The following FAM91A1 variants were observed in gnomAD, a reference collection of about 807,000 sequenced individuals.
FAM91A1 encodes protein FAM91A1.
Under a neutral mutation model 113.5 loss-of-function variants are expected in FAM91A1, and 41 were observed. The observed-to-expected ratio is 0.36, with a 90% confidence interval of 0.28 to 0.47. FAM91A1 has a LOEUF of 0.47. FAM91A1 is among the 20% of genes least tolerant of loss of function. The pLI is 1.00. For missense variants in FAM91A1, 696 were observed against 1,001.2 expected (o/e 0.70, Z 4.11); for synonymous variants, 307 against 347.9 (o/e 0.88, Z 1.31).
intron 15 of FAM91A1, among the ~76,000 whole-genome samples, chr8:123,796,404 A>G (rs1815521067): frequency 6.6e-6 from 1 of 152,044 alleles, no homozygotes; most frequent in South Asian, 2.1e-4. Flanking sequence ...CAACAGAGCT[A>G]ATCTAGGAAA....
intron 15 of FAM91A1, among the ~76,000 whole-genome samples, chr8:123,796,931 C>T (rs548573582): frequency 3.6e-4 from 55 of 151,668 alleles, no homozygotes; most frequent in South Asian, 1.9e-3. Flanking sequence ...TGTGGTGGCG[C>T]GCACCTGTAG....
intron 18 of FAM91A1, among the ~76,000 whole-genome samples, chr8:123,801,979 G>T (rs1304836455): frequency 1.3e-5 from 2 of 152,100 alleles, no homozygotes; most frequent in African/African-American, 2.4e-5. Flanking sequence ...AGTGTGAGGG[G>T]GTTGTGGTCA....
chr8:123,808,229 A>C, intron 20 of FAM91A1, 43 bp from the exon 21 acceptor site: 2 of 1,517,070 alleles, frequency 1.3e-6, no homozygotes, highest in Non-Finnish European at 1.8e-6. Context: ...AGCTTCTGCT[A>C]ACTGCTAGAA....
At chr8:123,769,336 A>G (rs1586363275) in intron 1 of FAM91A1, among the ~76,000 whole-genome samples, 1 of 152,166 alleles carries the variant, frequency 6.6e-6, no homozygotes, top group Non-Finnish European at 1.5e-5. Flanking sequence ...TGAGTGAAAG[A>G]ACATGTCTCA....
chr8:123,814,014 A>C lies in FAM91A1; in HGVS notation c.*1310A>C. 1 of 266,074 alleles carries C rather than the reference A, an allele frequency of 3.8e-6. No individual in the cohort carries two copies. The highest frequency in any genetic ancestry group is 3.3e-5 in the South Asian group (1 of 30,160). 16.5% of individuals were successfully genotyped at this position (266,074 alleles called of 1,614,324 possible). A position where few individuals can be genotyped will look rare whatever the true frequency, so the allele number is the denominator to read the frequency against. On this transcript the variant is annotated 3_prime_UTR_variant, in exon 24 of 24. Transcript: ENST00000334705. ...GTGTATTTAACATACATACTTCAGGAAATATATGCCTTTCCTAAAACTTAA... is the reference window on the plus strand; with the variant it reads ...GTGTATTTAACATACATACTTCAGGCAATATATGCCTTTCCTAAAACTTAA...
At chr8:123,775,580 G>A (rs2130047630) in intron 3 of FAM91A1, among the ~76,000 whole-genome samples, 1 of 152,314 alleles carries the variant, frequency 6.6e-6, no homozygotes, top group East Asian at 1.9e-4. Context: ...AGTCATTTAT[G>A]TTGGCAGAGT....
Position 123,774,097 on chromosome 8 carries a change from G to C in FAM91A1, c.90G>C (p.Gln30His), listed in dbSNP as rs1307237769. The change falls in exon 2 of 24, where the codon CAG becomes CAC. Residue 30 changes from glutamine (Q) to histidine (H), a missense_variant. By Grantham distance (24) the Gln-to-His change is conservative (BLOSUM62 0). Coordinates refer to ENST00000334705, the MANE Select transcript of FAM91A1 (RefSeq NM_144963.4). ...TCTCCTAGAGTCTTGGAAATTCACA[G>C]AGAGAATATGAAAAGCAGGTTGTCC... ...ANVRQSLGNS[Q>H]REYEKQVVLY... 1 of 1,606,442 alleles carries C rather than the reference G, an allele frequency of 6.2e-7. No homozygotes were observed.
chr8:123,804,864 C>T (rs1815767353), intron 18 of FAM91A1, among the ~76,000 whole-genome samples: 2 of 152,084 alleles, frequency 1.3e-5, no homozygotes, highest in African/African-American at 4.8e-5. Context: ...TATTTTATTT[C>T]AGGGCAGGTT....
intron 14 of FAM91A1, chr8:123,788,267 TC>T: frequency 1.0e-6 from 1 of 982,070 alleles, no homozygotes; most frequent in Non-Finnish European, 1.2e-6. Context: ...GCCCTAGTTT[TC>T]CTTAGCTCTA....
intron 16 of FAM91A1, among the ~76,000 whole-genome samples, chr8:123,799,123 A>T (rs1815614158): frequency 6.6e-6 from 1 of 152,224 alleles, no homozygotes; most frequent in African/African-American, 2.4e-5. Context: ...ATACTTTAAT[A>T]TCGAGCTTAT....
Position 123,793,807 on chromosome 8 carries a change from T to C in FAM91A1, c.1411+4062T>C, listed in dbSNP as rs571734954. Among the ~76,000 whole-genome samples, 4 of 152,346 alleles carry C rather than the reference T, an allele frequency of 2.6e-5. No homozygotes were observed. In the South Asian group the frequency reaches 8.3e-4, roughly 32 times the overall value. ...TTCAGGAGGCCATTATATGTATATA[T>C]GTATATTTTTAGATGTATTCTTGCT... On this transcript the variant is annotated intron_variant, in intron 15 of 23. Transcript: ENST00000334705.
chr8:123,808,917 T>C lies in FAM91A1; in HGVS notation c.2162T>C (p.Val721Ala), dbSNP rs1815879732. 1 of 1,611,004 alleles carries C rather than the reference T, an allele frequency of 6.2e-7. No individual in the cohort carries two copies. The highest frequency in any genetic ancestry group is 1.7e-5 in the Admixed American group (1 of 59,948). ...TSGATTEADWVPLELCFGIPL... is the reference protein window; with the variant it reads ...TSGATTEADWAPLELCFGIPL... ...GGTGCCACAACAGAAGCAGATTGGG[T>C]TCCTCTCGAGCTGTGCTTTGGAATT... The change falls in exon 22 of 24, where the codon GTT (valine) becomes GCT (alanine). Residue 721 changes from valine to alanine, a missense_variant. Val to Ala is a moderately conservative substitution (Grantham distance 64, BLOSUM62 0). Transcript: ENST00000334705.
At chr8:123,772,082 A>C (rs1814860230) in intron 1 of FAM91A1, among the ~76,000 whole-genome samples, 1 of 152,226 alleles carries the variant, frequency 6.6e-6, no homozygotes, top group Non-Finnish European at 1.5e-5. Context: ...GGAGCCCAAG[A>C]ATCTCAGAAT....
intron 15 of FAM91A1, among the ~76,000 whole-genome samples, chr8:123,796,648 G>A (rs532248518): frequency 2.2e-4 from 33 of 151,310 alleles, no homozygotes; most frequent in African/African-American, 7.3e-4. Flanking sequence ...TAGTAGAGAC[G>A]GGGTTTCGCC....
intron 15 of FAM91A1, 119 bp from the exon 16 acceptor site, chr8:123,797,971 T>A (rs1192600137): frequency 8.4e-7 from 1 of 1,186,002 alleles, no homozygotes; most frequent in Non-Finnish European, 1.2e-6. Flanking sequence ...CTTAATAGAG[T>A]TACTTTACCT....
intron 14 of FAM91A1, chr8:123,788,380 T>A: frequency 2.3e-6 from 1 of 441,508 alleles, no homozygotes; most frequent in Non-Finnish European, 3.0e-6. Context: ...GTTCCTTGAC[T>A]AATACTTTTC....
intron 18 of FAM91A1, among the ~76,000 whole-genome samples, chr8:123,800,174 A>G (rs999213364): frequency 5.3e-5 from 8 of 151,770 alleles, no homozygotes; most frequent in African/African-American, 1.7e-4. Context: ...TAGTTTCCCC[A>G]TCTGTGGGGA....
chr8:123,778,359 A>T (rs1455841100), intron 5 of FAM91A1, among the ~76,000 whole-genome samples: 1 of 152,154 alleles, frequency 6.6e-6, no homozygotes, highest in Non-Finnish European at 1.5e-5. Context: ...CAGTTCACTT[A>T]GTGGGTGAAA....
At chr8:123,786,965 T>C (rs1815273450) in intron 12 of FAM91A1, among the ~76,000 whole-genome samples, 1 of 152,030 alleles carries the variant, frequency 6.6e-6, no homozygotes, top group Non-Finnish European at 1.5e-5. Flanking sequence ...GAGCTAAGAA[T>C]GAAGAAGAGC....
Sources: gnomAD v4.1 joint callset for allele counts (sites outside exome capture counted in the v4.1 genomes callset) on GRCh38, gnomAD v4.1.1 for gene constraint, MANE v1.5 for transcripts, NCBI Gene and HGNC (gene_info 2026-07-23, HGNC 2026-07-21) for gene names.